The following SMG1 variants were observed in gnomAD, a reference collection of about 807,000 sequenced individuals.
SMG1 encodes serine/threonine-protein kinase SMG1.
SMG1 carries 22 observed loss-of-function variants against 419.9 expected under a neutral mutation model. The observed-to-expected ratio is 0.05, with a 90% confidence interval of 0.04 to 0.07. The LOEUF (loss-of-function observed/expected upper bound fraction) is 0.07. Among genes scored for constraint, SMG1 ranks in the 10% least tolerant of loss-of-function variants. The pLI, the probability that SMG1 is intolerant of heterozygous loss-of-function variation, is 1.00. For missense variants in SMG1, 3,185 were observed against 4,342.0 expected (o/e 0.73, Z 7.49); for synonymous variants, 1,538 against 1,553.5 (o/e 0.99, Z 0.23).
At position 18,868,626 on chromosome 16, in the gene SMG1, T is replaced by G; in HGVS notation, c.2927A>C (p.Asn976Thr). The G allele has an allele frequency of 6.3e-7, 1 of 1,583,708 alleles. No individual in the cohort carries two copies. The change falls in exon 21 of 63, where the codon AAC (asparagine) becomes ACC (threonine). Residue 976 changes from asparagine to threonine, a missense_variant. Coordinates refer to ENST00000446231, the MANE Select transcript of SMG1 (RefSeq NM_015092.5). ...CAGAAGAAGAACAAGTCTAAGTTGG[T>G]TGTTACCATGGCCTTCATCATTGTC... ...TADNDEGHGNNQLRLVLLLQY... is the reference protein window; with the variant it reads ...TADNDEGHGNTQLRLVLLLQY...
chr16:18,894,056 C>CATAA (rs5816014), intron 3 of SMG1, among the ~76,000 whole-genome samples: 15,606 of 144,448 alleles, frequency 0.11, 936 homozygotes, highest in East Asian at 0.21. Flanking sequence ...TACTCCATCT[C>CATAA]ATAAATAAAT....
rs948919087 is a variant in SMG1, at chr16:18,847,716, A to T, written c.5841+100T>A. 32 of 1,573,756 alleles carry T rather than the reference A, an allele frequency of 2.0e-5. No individual in the cohort carries two copies. In the African/African-American group the frequency reaches 4.1e-4, roughly 20 times the overall value. Reference sequence around the variant, plus strand: ...TGTGTGCAATTGGTGCTCATTATACAATTGGAGAACCCTGACCAGTGATTG... The same window carrying T: ...TGTGTGCAATTGGTGCTCATTATACTATTGGAGAACCCTGACCAGTGATTG... On this transcript the variant is annotated intron_variant, in intron 37 of 62. Coordinates refer to ENST00000446231, the MANE Select transcript of SMG1 (RefSeq NM_015092.5).
At position 18,834,334 on chromosome 16, in the gene SMG1, C is replaced by T. The variant is rs2141245185; in HGVS notation, c.8435G>A (p.Ser2812Asn). ...AWFLEELCSM[S>N]GNVTCLVQLL... ...CTGAACCAAGCAGGTGACGTTTCCG[C>T]TCATACTGCAGAGTTCCTCCAAGAA... The change falls in exon 50 of 63, where the codon AGC becomes AAC. Residue 2812 changes from serine (S) to asparagine (N), a missense_variant. Around this residue, in one of 27 missense-constraint regions of SMG1, gnomAD observed 412 missense variants for 546.6 expected, o/e 0.75. Transcript: ENST00000446231. 1.2e-6 allele frequency: 2 copies of T among 1,613,660 alleles called. No homozygotes were observed. Among genetic ancestry groups the T allele is most frequent in the Non-Finnish European group, 1.7e-6 (2 of 1,179,776 alleles).
At chr16:18,903,083 C>T (rs1596633209) in intron 1 of SMG1, among the ~76,000 whole-genome samples, 1 of 152,076 alleles carries the variant, frequency 6.6e-6, no homozygotes, top group Admixed American at 6.6e-5. Flanking sequence ...CCTCAGCCTC[C>T]GAAAGGGTTG....
At chr16:18,904,356 C>T (rs2037472643) in intron 1 of SMG1, among the ~76,000 whole-genome samples, 1 of 151,710 alleles carries the variant, frequency 6.6e-6, no homozygotes, top group African/African-American at 2.4e-5. Context: ...AAAAAATGGC[C>T]GGGCACGGCG....
Position 18,838,000 on chromosome 16 carries a change from T to A in SMG1, c.7413+14A>T, listed in dbSNP as rs372553822. 18 of 1,612,330 alleles carry A rather than the reference T, an allele frequency of 1.1e-5. No individual in the cohort carries two copies. In the African/African-American group the frequency reaches 2.3e-4, roughly 20 times the overall value. On this transcript the variant is annotated intron_variant, in intron 45 of 62. Coordinates refer to ENST00000446231, the MANE Select transcript of SMG1 (RefSeq NM_015092.5). ...AAAAAGAAGACAATGACTTATTCCG[T>A]CACTGGGCTTCACCTTAATCTCAGC...
intron 5 of SMG1, among the ~76,000 whole-genome samples, 187 bp from the exon 6 acceptor site, chr16:18,889,772 G>C (rs2036796336): frequency 6.6e-6 from 1 of 152,146 alleles, no homozygotes; most frequent in South Asian, 2.1e-4. Context: ...TTGCCCTCAA[G>C]TATCTGTCTG....
Position 18,885,639 on chromosome 16 carries a change from G to A in SMG1, c.850C>T (p.Leu284Phe), listed in dbSNP as rs776459390. 1.3e-6 allele frequency: 2 copies of A among 1,596,034 alleles called. No individual in the cohort carries two copies. Among genetic ancestry groups the A allele is most frequent in the Non-Finnish European group, 1.7e-6 (2 of 1,179,500 alleles). The change falls in exon 7 of 63, where the codon CTT becomes TTT. Residue 284 changes from leucine (L) to phenylalanine (F), a missense_variant. By Grantham distance (22) the Leu-to-Phe change is conservative. Coordinates refer to ENST00000446231, the MANE Select transcript of SMG1 (RefSeq NM_015092.5). ...AATTCTGGTGTATCCACATTTTCAA[G>A]AATAGACTGCAGGCTGGTCATTACA... ...QLVMTSLQSI[L>F]ENVDTPELLC...
At chr16:18,903,979 G>T (rs895827775) in intron 1 of SMG1, among the ~76,000 whole-genome samples, 1 of 130,844 alleles carries the variant, frequency 7.6e-6, no homozygotes, top group South Asian at 2.3e-4. Flanking sequence ...GCTCTGTCGC[G>T]CAGGCTGAAG....
chr16:18,820,791 A>G (rs1214666517), intron 55 of SMG1, among the ~76,000 whole-genome samples: 1 of 152,254 alleles, frequency 6.6e-6, no homozygotes, highest in African/African-American at 2.4e-5. Flanking sequence ...AAAAACTTTT[A>G]AAACATCACA....
intron 60 of SMG1, among the ~76,000 whole-genome samples, chr16:18,814,230 G>T (rs55860519): frequency 6.6e-6 from 1 of 151,912 alleles, no homozygotes; most frequent in South Asian, 2.1e-4. Flanking sequence ...GTGTACATAT[G>T]CACAGCAAGT....
At chr16:18,811,640 T>C in intron 62 of SMG1, 121 bp downstream of exon 62, 1 of 918,086 alleles carries the variant, frequency 1.1e-6, no homozygotes, top group East Asian at 2.4e-5. Flanking sequence ...ATCTTCTGAA[T>C]CCTGAAAACA....
chr16:18,815,903 T>G, intron 58 of SMG1: 1 of 499,494 alleles, frequency 2.0e-6, no homozygotes, highest in Non-Finnish European at 3.5e-6. Flanking sequence ...CTTAGTTTTC[T>G]TACTTACTAG....
At chr16:18,867,502 C>T (rs1228163307) in intron 22 of SMG1, among the ~76,000 whole-genome samples, 2 of 149,762 alleles carry the variant, frequency 1.3e-5, no homozygotes, top group South Asian at 2.1e-4. Context: ...CCAGCCTGGG[C>T]GACAAAGTGA....
chr16:18,900,914 A>G (rs867331932), intron 1 of SMG1, among the ~76,000 whole-genome samples: 2 of 152,236 alleles, frequency 1.3e-5, no homozygotes, highest in Non-Finnish European at 2.9e-5. Context: ...TTAATGAGGA[A>G]TAAGAGAAAG....
intron 49 of SMG1, 39 bp from the exon 50 acceptor site, chr16:18,834,477 T>C (rs1276487258): frequency 6.4e-7 from 1 of 1,573,638 alleles, no homozygotes; most frequent in East Asian, 2.3e-5. Context: ...AACTTAAATG[T>C]ATAAACAAAA....
chr16:18,881,177 A>G (rs971587073), intron 10 of SMG1, among the ~76,000 whole-genome samples: 2 of 151,696 alleles, frequency 1.3e-5, no homozygotes, highest in Non-Finnish European at 2.9e-5. Context: ...TACCATTCTC[A>G]AAGGCCTAAA....
Position 18,838,422 on chromosome 16 carries a change from G to T in SMG1, c.7129C>A (p.Gln2377Lys). 6.2e-7 allele frequency: 1 copy of T among 1,613,884 alleles called. No individual in the cohort carries two copies. The highest frequency in any genetic ancestry group is 8.5e-7 in the Non-Finnish European group (1 of 1,179,874). The change falls in exon 44 of 63, where the codon CAA (glutamine) becomes AAA (lysine). Residue 2377 changes from glutamine to lysine, a missense_variant. Physicochemically the swap from Gln to Lys is moderately conservative, Grantham distance 53. Transcript: ENST00000446231. ...ACACCCAGTGCTGTTTCAATGTTTTGTGTCATTCGAAAAGGTACTTTCTCA... is the reference window on the plus strand; with the variant it reads ...ACACCCAGTGCTGTTTCAATGTTTTTTGTCATTCGAAAAGGTACTTTCTCA... ...VPEKVPFRMT[Q>K]NIETALGVTG...
chr16:18,916,069 C>CA (rs35871395), intron 1 of SMG1, among the ~76,000 whole-genome samples: 2,972 of 34,088 alleles, frequency 0.087, 426 homozygotes, highest in African/African-American at 0.26. Context: ...CACTTCGTCT[C>CA]AAAAAAAAAA....
Sources: gnomAD v4.1 joint callset for allele counts (sites outside exome capture counted in the v4.1 genomes callset) on GRCh38, gnomAD v4.1.1 for gene constraint, gnomAD v4.1.1 regional missense constraint, MANE v1.5 for transcripts, NCBI Gene and HGNC (gene_info 2026-07-23, HGNC 2026-07-21) for gene names.